Variants in ANK1 observed in about 807,000 individuals in gnomAD.
The protein encoded by ANK1 is ankyrin 1.
Under a neutral mutation model 210.4 loss-of-function variants are expected in ANK1, and 51 were observed. That is an observed-to-expected ratio of 0.24 (90% CI 0.19 to 0.31). The LOEUF (loss-of-function observed/expected upper bound fraction) is 0.31. ANK1 is among the 10% of genes least tolerant of loss of function. The pLI is 1.00. For synonymous variants in ANK1, 967 were observed against 1,025.9 expected, an observed-to-expected ratio of 0.94 and a Z score of 1.10; for missense variants, 2,051 against 2,504.4, an observed-to-expected ratio of 0.82 and a Z score of 3.86.
intron 1 of ANK1, among the ~76,000 whole-genome samples, chr8:41,895,977 G>C (rs1369190449): frequency 6.6e-6 from 1 of 152,118 alleles, no homozygotes. Flanking sequence ...CAGCGGGTGC[G>C]GCGCGCCCGA....
chr8:41,779,618 A>C (rs959424640), intron 1 of ANK1, among the ~76,000 whole-genome samples: 33 of 145,970 alleles, frequency 2.3e-4, no homozygotes, highest in African/African-American at 8.2e-4. Flanking sequence ...GAAAAAAAGA[A>C]AAGACAGGAA....
chr8:41,748,781 A>T (rs1836828727), intron 2 of ANK1, among the ~76,000 whole-genome samples: 1 of 152,236 alleles, frequency 6.6e-6, no homozygotes, highest in South Asian at 2.1e-4. Flanking sequence ...TACGCCTGTA[A>T]TCCCAGCACT....
At chr8:41,793,203 C>T (rs918451701) in intron 1 of ANK1, among the ~76,000 whole-genome samples, 1 of 152,070 alleles carries the variant, frequency 6.6e-6, no homozygotes, top group Non-Finnish European at 1.5e-5. Context: ...ATAGTGAGAC[C>T]CCTGTCTCTA....
At chr8:41,786,964 A>C (rs1846537074) in intron 1 of ANK1, among the ~76,000 whole-genome samples, 1 of 152,246 alleles carries the variant, frequency 6.6e-6, no homozygotes, top group South Asian at 2.1e-4. Flanking sequence ...CAAGGTTGAC[A>C]TGTTTTCATG....
At chr8:41,859,705 T>G (rs142659766) in intron 1 of ANK1, among the ~76,000 whole-genome samples, 1 of 152,388 alleles carries the variant, frequency 6.6e-6, no homozygotes, top group Non-Finnish European at 1.5e-5. Flanking sequence ...ATTGATTGAT[T>G]GATTTCTTCC....
chr8:41,865,127 C>G (rs978417587), intron 1 of ANK1, among the ~76,000 whole-genome samples: 11 of 152,210 alleles, frequency 7.2e-5, no homozygotes, highest in Non-Finnish European at 1.5e-5. Context: ...CCCTGGCCAC[C>G]CAAGGGCTCC....
intron 37 of ANK1, among the ~76,000 whole-genome samples, chr8:41,676,989 G>GT (rs1397252962): frequency 1.3e-5 from 2 of 152,136 alleles, no homozygotes; most frequent in African/African-American, 4.8e-5. Context: ...ACTTTTCTTT[G>GT]TAGGAATGTT....
At position 41,696,483 on chromosome 8, in the gene ANK1, G is replaced by C; in HGVS notation, c.2840C>G (p.Thr947Ser). The C allele has an allele frequency of 6.2e-7, 1 of 1,613,436 alleles. No individual in the cohort carries two copies. Among genetic ancestry groups the C allele is most frequent in the South Asian group, 1.1e-5 (1 of 91,080 alleles). The change falls in exon 26 of 43, where the codon ACC becomes AGC. Residue 947 changes from threonine to serine, a missense_variant. Around this residue, in one of 6 missense-constraint regions of ANK1, gnomAD observed 1,413 missense variants for 1,707.4 expected, o/e 0.83. Transcript: ENST00000289734. ...VIPPRTCAAPTRITCRLVKPQ... is the reference protein window; with the variant it reads ...VIPPRTCAAPSRITCRLVKPQ... The stretch of plus-strand genomic sequence containing the variant: ...CTTGACCAGGCGGCAGGTGATGCGG[G>C]TGGGCGCTGCGCACGTCCGTGGCGG...
chr8:41,670,281 A>G (rs1811858175), intron 38 of ANK1, among the ~76,000 whole-genome samples: 1 of 151,942 alleles, frequency 6.6e-6, no homozygotes, highest in African/African-American at 2.4e-5. Context: ...CACAGTAGGC[A>G]CTCAATAAAT....
intron 39 of ANK1, among the ~76,000 whole-genome samples, chr8:41,666,955 G>A (rs895547198): frequency 3.0e-4 from 46 of 152,322 alleles, no homozygotes; most frequent in African/African-American, 1.1e-3. Context: ...GATCTAGAAG[G>A]CCCTTCCAGT....
Position 41,663,914 on chromosome 8 carries a change from G to A in ANK1, c.5395-172C>T, listed in dbSNP as rs569696373. ...GGAGCCATGCCAGGGCTCCCAGGGC[G>A]TGGGCGGCGCCCCTGAGGGTCTGGG... is the stretch of plus-strand genomic sequence containing the variant. On this transcript the variant is annotated intron_variant, in intron 39 of 42. Transcript: ENST00000289734. The A allele has an allele frequency of 4.6e-4, 316 of 683,298 alleles. 1 individual carries two copies. Among genetic ancestry groups the A allele is most frequent in the Admixed American group, 5.7e-4 (28 of 48,882 alleles). 42.3% of individuals were successfully genotyped at this position (683,298 alleles called of 1,614,324 possible).
chr8:41,697,798 G>T (rs1821502236), intron 24 of ANK1: 1 of 592,258 alleles, frequency 1.7e-6, no homozygotes, highest in East Asian at 3.1e-5. Flanking sequence ...GTCCTGGGCT[G>T]CATCCAAGGA....
chr8:41,719,336 G>A (rs938795597), intron 10 of ANK1, among the ~76,000 whole-genome samples: 1 of 152,160 alleles, frequency 6.6e-6, no homozygotes, highest in Admixed American at 6.5e-5. Context: ...TCCAGGCCTG[G>A]CTCCACTGGA....
intron 2 of ANK1, among the ~76,000 whole-genome samples, chr8:41,754,301 A>T (rs1383699950): frequency 6.6e-6 from 1 of 152,192 alleles, no homozygotes; most frequent in African/African-American, 2.4e-5. Context: ...GTATGCACAC[A>T]TGTGTGTGTT....
intron 1 of ANK1, among the ~76,000 whole-genome samples, chr8:41,766,549 CAACCCG>C (rs1197148610): frequency 2.0e-5 from 3 of 152,234 alleles, no homozygotes; most frequent in Non-Finnish European, 4.4e-5. Flanking sequence ...CTTAATCTCT[CAACCCG>C]AACTCGGGAC....
chr8:41,800,361 G>A (rs1268277305), upstream of ANK1, among the ~76,000 whole-genome samples: 2 of 152,192 alleles, frequency 1.3e-5, no homozygotes, highest in Non-Finnish European at 2.9e-5. Context: ...GAGATTAAGA[G>A]AGCTACTTAA....
intron 17 of ANK1, among the ~76,000 whole-genome samples, chr8:41,708,050 C>T (rs1037327175): frequency 5.3e-5 from 8 of 152,070 alleles, no homozygotes; most frequent in Non-Finnish European, 1.2e-4. Context: ...CTAACGGGTA[C>T]GAGGTTTCCT....
intron 1 of ANK1, among the ~76,000 whole-genome samples, chr8:41,768,610 C>A (rs1326139096): frequency 6.6e-6 from 1 of 152,090 alleles, no homozygotes; most frequent in African/African-American, 2.4e-5. Context: ...CCAAATTGAT[C>A]CAAAGCCCTG....
intron 16 of ANK1, 49 bp downstream of exon 16, chr8:41,714,107 G>A: frequency 8.0e-7 from 1 of 1,255,636 alleles, no homozygotes; most frequent in Non-Finnish European, 1.0e-6. Context: ...CTGGAAGGTA[G>A]CAGGTGACCT....
Sources: gnomAD v4.1 joint callset for allele counts (sites outside exome capture counted in the v4.1 genomes callset) on GRCh38, gnomAD v4.1.1 for gene constraint, gnomAD v4.1.1 regional missense constraint, MANE v1.5 for transcripts, NCBI Gene and HGNC (gene_info 2026-07-23, HGNC 2026-07-21) for gene names.